Variants in QKI observed in about 807,000 individuals in gnomAD.
The protein encoded by QKI is KH domain-containing RNA-binding protein QKI.
QKI carries 10 observed loss-of-function variants against 39.0 expected under a neutral mutation model. The observed-to-expected ratio is 0.26, with a 90% CI of 0.16 to 0.43. The LOEUF is 0.43. QKI is among the 20% of genes least tolerant of loss of function. The pLI is 1.00. For synonymous variants in QKI, 204 were observed against 155.4 expected (o/e 1.31, Z -2.33); for missense variants, 218 against 428.0 (o/e 0.51, Z 4.33).
chr6:163,456,978 T>C (rs184668658), intron 2 of QKI, among the ~76,000 whole-genome samples: 2 of 152,158 alleles, frequency 1.3e-5, no homozygotes, highest in East Asian at 3.9e-4. Flanking sequence ...GGAAGTGAGG[T>C]TATCTACCAT....
intron 3 of QKI, among the ~76,000 whole-genome samples, 178 bp downstream of exon 3, chr6:163,479,074 T>G (rs1221318632): frequency 1.3e-5 from 2 of 151,948 alleles, no homozygotes; most frequent in African/African-American, 4.8e-5. Context: ...TCGTCTGAGG[T>G]CAGGAGTTTG....
chr6:163,451,907 C>T (rs1790591947), intron 1 of QKI, among the ~76,000 whole-genome samples: 1 of 152,172 alleles, frequency 6.6e-6, no homozygotes, highest in Admixed American at 6.5e-5. Context: ...AGTAGTTTGG[C>T]TATAATTGTA....
At chr6:163,425,893 G>A (rs1788366819) in intron 1 of QKI, among the ~76,000 whole-genome samples, 1 of 152,156 alleles carries the variant, frequency 6.6e-6, no homozygotes, top group African/African-American at 2.4e-5. Flanking sequence ...AGAAAATTTT[G>A]TCCCAATTTC....
chr6:163,536,090 C>T (rs893336842), intron 4 of QKI, among the ~76,000 whole-genome samples: 11 of 152,074 alleles, frequency 7.2e-5, no homozygotes, highest in Admixed American at 2.6e-4. Flanking sequence ...ACTCACAAAT[C>T]ATAAACATTT....
At chr6:163,524,093 A>T (rs1345588354) in intron 3 of QKI, among the ~76,000 whole-genome samples, 1 of 152,128 alleles carries the variant, frequency 6.6e-6, no homozygotes. Flanking sequence ...GTGACATACT[A>T]ATAGTCACGG....
chr6:163,515,326 T>C (rs1562503679), intron 3 of QKI, among the ~76,000 whole-genome samples: 2 of 151,004 alleles, frequency 1.3e-5, no homozygotes, highest in African/African-American at 4.9e-5. Context: ...ATAGTGTGTG[T>C]TTTTTTTTAA....
At chr6:163,471,491 A>G (rs1056974028) in intron 2 of QKI, among the ~76,000 whole-genome samples, 3 of 152,168 alleles carry the variant, frequency 2.0e-5, no homozygotes, top group Non-Finnish European at 4.4e-5. Context: ...ACAGAATTTG[A>G]AAAACAAAGG....
chr6:163,564,325 T>C (rs760715593), intron 6 of QKI: 8 of 1,019,150 alleles, frequency 7.8e-6, no homozygotes, highest in African/African-American at 3.3e-5. Flanking sequence ...ATAGATGATA[T>C]CGTTTACTAC....
At chr6:163,481,028 G>GT (rs1311126838) in intron 3 of QKI, among the ~76,000 whole-genome samples, 6 of 152,108 alleles carry the variant, frequency 3.9e-5, no homozygotes, top group Non-Finnish European at 8.8e-5. Flanking sequence ...TGATTATACT[G>GT]TTGCACTCTT....
At chr6:163,510,338 C>T (rs1282796657) in intron 3 of QKI, among the ~76,000 whole-genome samples, 1 of 151,890 alleles carries the variant, frequency 6.6e-6, no homozygotes, top group Non-Finnish European at 1.5e-5. Context: ...GCAGGTGGAT[C>T]ACTTGAGGTC....
intron 4 of QKI, among the ~76,000 whole-genome samples, chr6:163,552,160 T>C (rs1782268656): frequency 6.6e-6 from 1 of 151,312 alleles, no homozygotes; most frequent in Admixed American, 6.6e-5. Flanking sequence ...AGATAAAATA[T>C]ATTTGCTATT....
At chr6:163,493,357 T>G (rs1483707722) in intron 3 of QKI, among the ~76,000 whole-genome samples, 2 of 152,174 alleles carry the variant, frequency 1.3e-5, no homozygotes, top group African/African-American at 2.4e-5. Context: ...CTTGAACTCC[T>G]GAACTCAGGT....
At chr6:163,509,871 C>A (rs1026544780) in intron 3 of QKI, among the ~76,000 whole-genome samples, 2 of 151,966 alleles carry the variant, frequency 1.3e-5, no homozygotes, top group Non-Finnish European at 2.9e-5. Flanking sequence ...AATGGAAGAA[C>A]CACTTCAATT....
At chr6:163,517,077 C>CTT (rs1562505576) in intron 3 of QKI, among the ~76,000 whole-genome samples, 16 of 42,308 alleles carry the variant, frequency 3.8e-4, no homozygotes, top group East Asian at 4.8e-3. Context: ...CTCTCTCTCT[C>CTT]TCTTTCTCTC....
At chr6:163,538,963 A>G (rs940156033) in intron 4 of QKI, among the ~76,000 whole-genome samples, 5 of 152,232 alleles carry the variant, frequency 3.3e-5, no homozygotes, top group African/African-American at 1.2e-4. Flanking sequence ...CAAATGTTGA[A>G]TGGGCATTTG....
chr6:163,481,660 C>T (rs910905954), intron 3 of QKI, among the ~76,000 whole-genome samples: 2 of 152,162 alleles, frequency 1.3e-5, no homozygotes, highest in African/African-American at 4.8e-5. Context: ...TAATATGCCA[C>T]TTTAGTTTTC....
intron 4 of QKI, among the ~76,000 whole-genome samples, chr6:163,552,531 T>TTA: frequency 6.6e-6 from 1 of 152,062 alleles, no homozygotes. Flanking sequence ...TTTATCCTAA[T>TTA]CATCTTCATA....
At chr6:163,470,979 A>G (rs1792135447) in intron 2 of QKI, among the ~76,000 whole-genome samples, 1 of 152,188 alleles carries the variant, frequency 6.6e-6, no homozygotes, top group Admixed American at 6.5e-5. Context: ...AGTGTGTTTC[A>G]GAACTATAAA....
intron 7 of QKI, chr6:163,570,444 G>GTTTT (rs35227460): frequency 8.7e-6 from 8 of 924,444 alleles, no homozygotes; most frequent in African/African-American, 6.0e-5. Context: ...TTGTTAACCA[G>GTTTT]TTTTTTTTTT....
Sources: gnomAD v4.1 joint callset for allele counts (sites outside exome capture counted in the v4.1 genomes callset) on GRCh38, gnomAD v4.1.1 for gene constraint, MANE v1.5 for transcripts, NCBI Gene and HGNC (gene_info 2026-07-23, HGNC 2026-07-21) for gene names.